CNOT3: variants seen among roughly 807,000 people sequenced by gnomAD.
The protein encoded by CNOT3 is CCR4-associated factor 3.
Under a neutral mutation model 89.4 loss-of-function variants are expected in CNOT3, and 2 were observed. That is an observed-to-expected ratio of 0.02 (90% CI 0.01 to 0.07). The LOEUF (loss-of-function observed/expected upper bound fraction) is 0.07. Among genes scored for constraint, CNOT3 ranks in the 10% least tolerant of loss-of-function variants. The pLI is 1.00. For synonymous variants in CNOT3, 486 were observed against 402.0 expected (o/e 1.21, Z -2.50); for missense variants, 664 against 1,010.2 (o/e 0.66, Z 4.65).
chr19:54,153,974 T>G, intron 17 of CNOT3, 134 bp downstream of exon 17: 1 of 1,141,068 alleles, frequency 8.8e-7, no homozygotes, highest in Non-Finnish European at 1.3e-6. Context: ...GACCAAGTAC[T>G]CCTCCCTCTG....
chr19:54,143,890 A>C, intron 5 of CNOT3, 116 bp from the exon 6 acceptor site: 1 of 1,494,050 alleles, frequency 6.7e-7, no homozygotes, highest in Non-Finnish European at 9.1e-7. Context: ...GTGAAGAGGC[A>C]GCGGACTCAG....
intron 17 of CNOT3, chr19:54,154,510 T>C (rs2075312436): frequency 5.9e-6 from 1 of 169,414 alleles, no homozygotes; most frequent in Non-Finnish European, 1.3e-5. Flanking sequence ...TGGTGACTGC[T>C]ACATAGTCAG....
intron 17 of CNOT3, 181 bp from the exon 18 acceptor site, chr19:54,155,125 CATG>C (rs1211141624): frequency 7.8e-6 from 5 of 638,444 alleles, no homozygotes; most frequent in Middle Eastern, 6.1e-4. Flanking sequence ...GCTGAAGTGG[CATG>C]ATAACATTTC....
At chr19:54,146,882 G>A (rs1396927566) in intron 10 of CNOT3, among the ~76,000 whole-genome samples, 1 of 152,240 alleles carries the variant, frequency 6.6e-6, no homozygotes, top group East Asian at 1.9e-4. Flanking sequence ...AGGCAGTCAG[G>A]AGATGCTGCT....
intron 17 of CNOT3, 94 bp downstream of exon 17, chr19:54,153,934 C>T (rs1419256131): frequency 1.3e-6 from 2 of 1,516,982 alleles, no homozygotes; most frequent in East Asian, 2.3e-5. Context: ...CCCTTGCCTC[C>T]ACCTTTCAGC....
Position 54,152,446 on chromosome 19 carries a change from C to G in CNOT3, c.1724C>G (p.Thr575Arg). The G allele has an allele frequency of 6.2e-7, 1 of 1,614,192 alleles. No homozygotes were observed. The highest frequency in any genetic ancestry group is 8.5e-7 in the Non-Finnish European group (1 of 1,180,028). ...LTERDIILSS[T>R]SAPPASAQPP... ...CCCACAGACATCATCCTGAGCAGTA[C>G]ATCAGCACCTCCGGCCTCAGCCCAG... Residue 575 changes from threonine to arginine, a missense_variant, in exon 15 of 18, where the codon ACA becomes AGA. This residue lies in a region of CNOT3 where 545 missense variants were observed against 566.2 expected (regional missense o/e 0.96). Transcript: ENST00000221232.
In CNOT3 at chr19:54,148,834, A is replaced by AC. The variant is rs2074861931; in HGVS notation, c.1406+97dup. 3.4e-6 allele frequency: 4 copies of AC among 1,177,724 alleles called. No individual in the cohort carries two copies. Among genetic ancestry groups the AC allele is most frequent in the East Asian group, 2.6e-5 (1 of 39,188 alleles). The allele number at this position is 1,177,724 out of a possible 1,614,324, so 73.0% of individuals were successfully genotyped here. On this transcript the variant is annotated intron_variant, in intron 12 of 17. Coordinates refer to ENST00000221232, the MANE Select transcript of CNOT3 (RefSeq NM_014516.4). The surrounding 1 kb of genome is among the most constrained non-coding windows in gnomAD (Gnocchi z 6.3). ...TCACCCCCGCATCGGTGGGTTCTGA[A>AC]CCCCCCGCCCTTGCTGCTGGGAATG...
chr19:54,151,413 A>C (rs1194259482), intron 13 of CNOT3, among the ~76,000 whole-genome samples: 2 of 152,110 alleles, frequency 1.3e-5, no homozygotes, highest in Non-Finnish European at 2.9e-5. Context: ...GTTTAGAAGC[A>C]GGACGGATAG....
chr19:54,148,439 A>AGCGGAGGCGGAGGCG lies in CNOT3; in HGVS notation c.1191_1205dup (p.Gly398_Gly402dup). On this transcript the variant is annotated inframe_insertion, in exon 11 of 18. Transcript: ENST00000221232. This position sits in a 1 kb window ranked among gnomAD's most constrained non-coding sequence, Gnocchi z 6.3. ...GCCCCGGCCCCCCAGCGTCCAGCCT[A>AGCGGAGGCGGAGGCG]GCGGAGGCGGAGGCGGCGGCAGCGG... 6.4e-7 allele frequency: 1 copy of AGCGGAGGCGGAGGCG among 1,568,922 alleles called. No individual in the cohort carries two copies. Among genetic ancestry groups the AGCGGAGGCGGAGGCG allele is most frequent in the South Asian group, 1.2e-5 (1 of 83,254 alleles).
intron 1 of CNOT3, among the ~76,000 whole-genome samples, chr19:54,141,011 A>G (rs1465558719): frequency 6.6e-6 from 1 of 152,080 alleles, no homozygotes; most frequent in Non-Finnish European, 1.5e-5. Flanking sequence ...TTGGGATGGA[A>G]AGAGGGAGTG....
chr19:54,143,964 TCCCACCTTTGAGAGCC>T, intron 5 of CNOT3, 26 bp from the exon 6 acceptor site: 1 of 1,582,586 alleles, frequency 6.3e-7, no homozygotes, highest in Non-Finnish European at 8.5e-7. Flanking sequence ...TCAGCTCCTT[TCCCACCTTTGAGAGCC>T]CCCCTGCCAA....
Position 54,152,517 on chromosome 19 carries a change from G to A in CNOT3, c.1795G>A (p.Val599Ile), listed in dbSNP as rs2075176759. 6.2e-7 allele frequency: 1 copy of A among 1,614,076 alleles called. No individual in the cohort carries two copies. Among genetic ancestry groups the A allele is most frequent in the African/African-American group, 1.3e-5 (1 of 74,944 alleles). Residue 599 changes from valine to isoleucine, a missense_variant, in exon 15 of 18, where the codon GTC (valine) becomes ATC (isoleucine). By Grantham distance (29) the Val-to-Ile change is conservative (BLOSUM62 3). This residue lies in a region of CNOT3 where 545 missense variants were observed against 566.2 expected (regional missense o/e 0.96). Coordinates refer to ENST00000221232, the MANE Select transcript of CNOT3 (RefSeq NM_014516.4). ...SEVNIPLSLG[V>I]CPLGPVPLTK... ...GGTGAACATACCGCTGTCGCTGGGTGTCTGTCCACTGGGCCCTGTGCCCCT... is the reference window on the plus strand; with the variant it reads ...GGTGAACATACCGCTGTCGCTGGGTATCTGTCCACTGGGCCCTGTGCCCCT...
Position 54,148,226 on chromosome 19 carries a change from T to G in CNOT3, c.973T>G (p.Ser325Ala). ...QSPAVPPTYP[S>A]GPPPAASALS... is the part of the protein sequence containing the mutation. ...CCCAGCTGTGCCGCCCACCTACCCC[T>G]CCGGCCCCCCGCCTGCTGCCTCTGC... is the stretch of plus-strand genomic sequence containing the variant. The change falls in exon 11 of 18, where the codon TCC (serine) becomes GCC (alanine). Residue 325 changes from serine to alanine, a missense_variant. Physicochemically the swap from Ser to Ala is moderately conservative, Grantham distance 99 (BLOSUM62 1). Coordinates refer to ENST00000221232, the MANE Select transcript of CNOT3 (RefSeq NM_014516.4). This position sits in a 1 kb window ranked among gnomAD's most constrained non-coding sequence, Gnocchi z 6.3. The G allele has an allele frequency of 1.3e-6, 2 of 1,595,086 alleles. No individual in the cohort carries two copies. The highest frequency in any genetic ancestry group is 1.7e-6 in the Non-Finnish European group (2 of 1,170,000).
rs1211016919 is a variant in CNOT3, at chr19:54,144,640, AGT to A, written c.483+310_483+311del. ...GGTTGAGCTTGGGCCACAGAGTAAA[AGT>A]GAGACCTGAAGGACACCCATGGCAA... is the stretch of plus-strand genomic sequence containing the variant. On this transcript the variant is annotated intron_variant, in intron 7 of 17. Coordinates refer to ENST00000221232, the MANE Select transcript of CNOT3 (RefSeq NM_014516.4). This position sits in a 1 kb window ranked among gnomAD's most constrained non-coding sequence, Gnocchi z 4.8. Among the ~76,000 whole-genome samples, 1 of 152,142 alleles carries A rather than the reference AGT, an allele frequency of 6.6e-6. No individual in the cohort carries two copies. Among genetic ancestry groups the A allele is most frequent in the Non-Finnish European group, 1.5e-5 (1 of 68,038 alleles).
In CNOT3 at chr19:54,143,938, G is replaced by A. The variant is rs891638122; in HGVS notation, c.259-68G>A. 6 of 1,570,734 alleles carry A rather than the reference G, an allele frequency of 3.8e-6. No individual in the cohort carries two copies. In the African/African-American group the frequency reaches 5.5e-5, roughly 14 times the overall value. On this transcript the variant is annotated intron_variant, in intron 5 of 17. Transcript: ENST00000221232. ...AGGGTCACGAGGCTCAGGTCGGAGT[G>A]TCTGCTGGCCCTTAGTCAGCTCCTT...
intron 13 of CNOT3, 123 bp from the exon 14 acceptor site, chr19:54,152,103 G>A (rs2075148061): frequency 2.3e-6 from 2 of 868,074 alleles, no homozygotes; most frequent in Non-Finnish European, 3.7e-6. Flanking sequence ...AGATTGTGGG[G>A]AGTGGGTCGT....
chr19:54,138,691 C>T (rs2074324689), intron 1 of CNOT3, among the ~76,000 whole-genome samples: 1 of 152,224 alleles, frequency 6.6e-6, no homozygotes, highest in African/African-American at 2.4e-5. Flanking sequence ...GGAGAAACTC[C>T]CCGTTAGTTG....
At position 54,148,474 on chromosome 19, in the gene CNOT3, G is replaced by GAGC; in HGVS notation, c.1230_1232dup (p.Ser412dup). The GAGC allele has an allele frequency of 1.3e-6, 2 of 1,561,136 alleles. No individual in the cohort carries two copies. The highest frequency in any genetic ancestry group is 1.7e-6 in the Non-Finnish European group (2 of 1,150,936). ...GAGGCGGCGGCAGCGGAGGCGGAGG[G>GAGC]AGCAGCAGCAGTAGTAACAGCAGTG... On this transcript the variant is annotated inframe_insertion, in exon 11 of 18. Transcript: ENST00000221232. This position sits in a 1 kb window ranked among gnomAD's most constrained non-coding sequence, Gnocchi z 6.3.
intron 1 of CNOT3, among the ~76,000 whole-genome samples, 166 bp downstream of exon 1, chr19:54,138,159 G>T (rs1294926580): frequency 1.3e-5 from 2 of 151,774 alleles, no homozygotes; most frequent in African/African-American, 4.8e-5. Flanking sequence ...GGCTCCCGGC[G>T]GGGGGCGGCT....
Sources: allele counts gnomAD v4.1 joint callset (sites outside exome capture counted in the v4.1 genomes callset), GRCh38; gene constraint gnomAD v4.1.1; regional missense constraint gnomAD v4.1.1; non-coding constraint Gnocchi (gnomAD v3.1); transcripts MANE v1.5; gene names NCBI Gene and HGNC (gene_info 2026-07-23, HGNC 2026-07-21).